Variants in SPECC1 observed in about 807,000 individuals in gnomAD.
SPECC1 encodes the protein sperm antigen with calponin homology and coiled-coil domains 1.
Under a neutral mutation model 104.1 loss-of-function variants are expected in SPECC1, and 62 were observed. That is an observed-to-expected ratio of 0.60 (90% CI 0.49 to 0.74). SPECC1 has a LOEUF of 0.74. Among genes scored for constraint, SPECC1 ranks in the 30% least tolerant of loss-of-function variants. The probability of loss-of-function intolerance (pLI) is 0.00; values close to 1 mark genes in which losing one functional copy is unlikely to be tolerated. For synonymous variants in SPECC1, 513 were observed against 501.6 expected (o/e 1.02, Z -0.30); for missense variants, 1,306 against 1,310.5 (o/e 1.00, Z 0.05).
At chr17:20,131,855 G>A (rs2049658125) in intron 3 of SPECC1, among the ~76,000 whole-genome samples, 1 of 151,944 alleles carries the variant, frequency 6.6e-6, no homozygotes, top group African/African-American at 2.4e-5. Context: ...TCACTGTGTT[G>A]CCCAGGCTGG....
rs754311597 is a variant in SPECC1 at position 20,205,133 on chromosome 17, C to G, written c.1084C>G (p.Pro362Ala). 2 of 1,613,912 alleles carry G rather than the reference C, an allele frequency of 1.2e-6. No individual in the cohort carries two copies. Among genetic ancestry groups the G allele is most frequent in the African/African-American group, 2.7e-5 (2 of 74,872 alleles). ...AAAGTGTTCTACTGCTGGGAGTTCC[C>G]CAAACAGCGTAAGTGAATTGTCCCT... ...SSKCSTAGSS[P>A]NSVSELSLAS... The change falls in exon 4 of 15, where the codon CCA becomes GCA. Residue 362 changes from proline to alanine, a missense_variant. Physicochemically the swap from Pro to Ala is conservative, Grantham distance 27. Around this residue, in one of 2 missense-constraint regions of SPECC1, gnomAD observed 1,177 missense variants for 1,139.9 expected, o/e 1.03. Transcript: ENST00000395527.
At chr17:20,279,169 C>T (rs1473904281) in intron 12 of SPECC1, among the ~76,000 whole-genome samples, 1 of 152,178 alleles carries the variant, frequency 6.6e-6, no homozygotes, top group Non-Finnish European at 1.5e-5. Flanking sequence ...CTGCACTGAG[C>T]ATTTTTTCCA....
rs1328260834 is a variant in SPECC1 at position 20,125,470 on chromosome 17, G to T, written c.283+14908G>T. Among the ~76,000 whole-genome samples the T allele has an allele frequency of 3.9e-5, 6 of 152,102 alleles. No individual in the cohort carries two copies. The East Asian group carries it at 9.6e-4, about 24-fold the overall frequency. On this transcript the variant is annotated intron_variant, in intron 3 of 14. Coordinates refer to ENST00000395527, the MANE Select transcript of SPECC1 (RefSeq NM_001243439.2). ...ACACATTTTTAAGCATGTAATTCAGGGGCAATGCTGCATAGCAGGTCCCTC... is the reference window on the plus strand; with the variant it reads ...ACACATTTTTAAGCATGTAATTCAGTGGCAATGCTGCATAGCAGGTCCCTC...
At chr17:20,216,980 C>A (rs371267346) in intron 4 of SPECC1, among the ~76,000 whole-genome samples, 3 of 151,536 alleles carry the variant, frequency 2.0e-5, no homozygotes, top group Non-Finnish European at 4.4e-5. Context: ...TAGCGAGACC[C>A]CATGTCTTAA....
chr17:20,170,935 C>G (rs1472553182), intron 3 of SPECC1, among the ~76,000 whole-genome samples: 2 of 152,150 alleles, frequency 1.3e-5, no homozygotes, highest in African/African-American at 4.8e-5. Context: ...ATCTCTTTCT[C>G]TAATTGGTCC....
At chr17:20,127,541 C>T (rs2049379862) in intron 3 of SPECC1, among the ~76,000 whole-genome samples, 1 of 149,872 alleles carries the variant, frequency 6.7e-6, no homozygotes, top group African/African-American at 2.5e-5. Flanking sequence ...CTCCTGGGCT[C>T]CAGCAGTCCT....
At chr17:20,188,256 C>CTTTTTTTTTTTTT (rs67659304) in intron 3 of SPECC1, among the ~76,000 whole-genome samples, 1 of 145,918 alleles carries the variant, frequency 6.9e-6, no homozygotes, top group Non-Finnish European at 1.5e-5. Context: ...AAAAGACATC[C>CTTTTTTTTTTTTT]TTTTTTTTTT....
intron 9 of SPECC1, among the ~76,000 whole-genome samples, chr17:20,247,917 C>G (rs184158854): frequency 6.6e-5 from 10 of 152,310 alleles, no homozygotes; most frequent in Non-Finnish European, 1.2e-4. Flanking sequence ...CTAGGCTGCA[C>G]TGAGCTTCCA....
intron 3 of SPECC1, among the ~76,000 whole-genome samples, chr17:20,127,489 C>G (rs959910847): frequency 7.5e-6 from 1 of 133,522 alleles, no homozygotes; most frequent in Admixed American, 8.8e-5. Context: ...TTTGCCCAGG[C>G]TGAAGTGTAG....
In SPECC1 at chr17:20,222,763, G is replaced by C. The variant is rs2037963193; in HGVS notation, c.1864-4650G>C. On this transcript the variant is annotated intron_variant, in intron 4 of 14. Transcript: ENST00000395527. ...TGTTTGTTAATGTCCTTTTCTTTCA[G>C]ATCAAAGAACTCCCATTTGCATTTC... Among the ~76,000 whole-genome samples, 7 of 152,086 alleles carry C rather than the reference G, an allele frequency of 4.6e-5. No individual in the cohort carries two copies. The South Asian group carries it at 1.5e-3, about 32-fold the overall frequency.
intron 3 of SPECC1, among the ~76,000 whole-genome samples, chr17:20,120,539 ATTTCC>A (rs1183210655): frequency 6.6e-6 from 1 of 152,166 alleles, no homozygotes; most frequent in African/African-American, 2.4e-5. Context: ...TATATAGTTG[ATTTCC>A]TTTCAGAGGA....
At chr17:20,241,668 T>G (rs2039209244) in intron 7 of SPECC1, among the ~76,000 whole-genome samples, 1 of 151,118 alleles carries the variant, frequency 6.6e-6, no homozygotes. Context: ...ATGATGCTGG[T>G]GTTCAAATTA....
intron 1 of SPECC1, among the ~76,000 whole-genome samples, chr17:20,010,472 G>C (rs2043903163): frequency 6.6e-6 from 1 of 152,200 alleles, no homozygotes; most frequent in Non-Finnish European, 1.5e-5. Context: ...GAAGATGGGG[G>C]AGGAGGGAGG....
At chr17:20,017,414 A>G (rs2044185600) in intron 1 of SPECC1, 1 of 153,928 alleles carries the variant, frequency 6.5e-6, no homozygotes, top group Non-Finnish European at 1.4e-5. Flanking sequence ...CTACGAACCC[A>G]CCAGAAGGAA....
chr17:20,036,019 G>T (rs1597595685), intron 1 of SPECC1, among the ~76,000 whole-genome samples: 1 of 152,144 alleles, frequency 6.6e-6, no homozygotes, highest in South Asian at 2.1e-4. Context: ...CACCATGTTG[G>T]TCAGGCTGGT....
In SPECC1 at chr17:20,173,931, T is replaced by G. The variant is rs796422556; in HGVS notation, c.284-30402T>G. Among the ~76,000 whole-genome samples, 330 of 150,188 alleles carry G rather than the reference T, an allele frequency of 2.2e-3. 6 individuals are homozygous for G. Among genetic ancestry groups the G allele is most frequent in the South Asian group, 0.017 (79 of 4,780 alleles). On this transcript the variant is annotated intron_variant, in intron 3 of 14. Coordinates refer to ENST00000395527, the MANE Select transcript of SPECC1 (RefSeq NM_001243439.2). The stretch of plus-strand genomic sequence containing the variant: ...ATAGACAGTTGAAGTTTTTGGTGTT[T>G]TTTTTTTTTGTTTTTGTGGAGACGG...
At chr17:20,181,939 C>A (rs2034920426) in intron 3 of SPECC1, among the ~76,000 whole-genome samples, 1 of 151,976 alleles carries the variant, frequency 6.6e-6, no homozygotes, top group Non-Finnish European at 1.5e-5. Context: ...TTGTCCTTCC[C>A]AAGTAGCCTG....
chr17:20,142,567 A>T (rs1052820206), intron 3 of SPECC1, among the ~76,000 whole-genome samples: 1 of 152,226 alleles, frequency 6.6e-6, no homozygotes, highest in African/African-American at 2.4e-5. Context: ...GGATTGTGTG[A>T]TCATTCCTAT....
At chr17:20,210,553 A>G (rs1028922185) in intron 4 of SPECC1, among the ~76,000 whole-genome samples, 1 of 152,252 alleles carries the variant, frequency 6.6e-6, no homozygotes, top group Non-Finnish European at 1.5e-5. Context: ...GAACTGCGTC[A>G]CACAGTGCCC....
Sources: gnomAD v4.1 joint callset for allele counts (sites outside exome capture counted in the v4.1 genomes callset) on GRCh38, gnomAD v4.1.1 for gene constraint, gnomAD v4.1.1 regional missense constraint, MANE v1.5 for transcripts, NCBI Gene and HGNC (gene_info 2026-07-23, HGNC 2026-07-21) for gene names.